Variants in TASP1 observed in about 807,000 individuals in gnomAD.
TASP1 encodes taspase 1.
TASP1 carries 16 observed loss-of-function variants against 56.6 expected under a neutral mutation model. The observed-to-expected ratio is 0.28, with a 90% CI of 0.19 to 0.43. TASP1 has a LOEUF of 0.43. Ranked by LOEUF, TASP1 falls within the 20% of genes least tolerant of loss-of-function variation. TASP1 has a pLI of 1.00. For missense variants in TASP1, 393 were observed against 511.6 expected (o/e 0.77, Z 2.24); for synonymous variants, 179 against 184.2 (o/e 0.97, Z 0.23).
the TASP1 span, chr20:13,154,216 T>G: frequency 6.4e-7 from 1 of 1,563,874 alleles, no homozygotes; most frequent in South Asian, 1.2e-5. Flanking sequence ...AGGCGTTAGA[T>G]TATGCATCTG....
chr20:13,402,185 C>G (rs911845610), intron 13 of TASP1, among the ~76,000 whole-genome samples: 1 of 152,180 alleles, frequency 6.6e-6, no homozygotes, highest in Non-Finnish European at 1.5e-5. Context: ...TAAATTCCCT[C>G]TTTGTTTTTC....
At chr20:13,178,431 C>T in the TASP1 span, among the ~76,000 whole-genome samples, 139 of 152,154 alleles carry the variant, frequency 9.1e-4, no homozygotes, top group African/African-American at 3.3e-3. Flanking sequence ...AATCATTATA[C>T]GGAAGAGACA....
downstream of TASP1, among the ~76,000 whole-genome samples, chr20:13,385,113 G>C (rs1285217153): frequency 1.3e-5 from 2 of 152,212 alleles, no homozygotes; most frequent in African/African-American, 2.4e-5. Flanking sequence ...TGCCCTTTTG[G>C]AAATGGGTGT....
At chr20:13,187,942 C>CAT in the TASP1 span, among the ~76,000 whole-genome samples, 951 of 151,274 alleles carry the variant, frequency 6.3e-3, 17 homozygotes, top group African/African-American at 0.021. Context: ...TGTGTATATA[C>CAT]ATATATATAT....
chr20:13,210,916 C>A, the TASP1 span, among the ~76,000 whole-genome samples: 2 of 152,118 alleles, frequency 1.3e-5, no homozygotes, highest in Non-Finnish European at 2.9e-5. Flanking sequence ...ACTCCTCTTA[C>A]CACAGAGCCA....
the TASP1 span, chr20:13,168,204 G>C: frequency 1.4e-5 from 2 of 145,040 alleles, no homozygotes; most frequent in Non-Finnish European, 3.0e-5. Flanking sequence ...TTTTGAGACA[G>C]AGTTTTGTTC....
the TASP1 span, among the ~76,000 whole-genome samples, chr20:13,359,974 C>T: frequency 7.9e-5 from 12 of 152,200 alleles, no homozygotes; most frequent in Non-Finnish European, 1.8e-4. Context: ...GCACACTTGC[C>T]TGTTATCACT....
intron 4 of TASP1, among the ~76,000 whole-genome samples, chr20:13,623,171 T>C (rs2048775742): frequency 6.6e-6 from 1 of 152,030 alleles, no homozygotes; most frequent in Non-Finnish European, 1.5e-5. Context: ...ATTTTCCTAC[T>C]GAAAATGGGA....
At position 13,609,803 on chromosome 20, in the gene TASP1, A is replaced by G. The variant is rs1311693852; in HGVS notation, c.282+13643T>C. Among the ~76,000 whole-genome samples, 5 of 152,334 alleles carry G rather than the reference A, an allele frequency of 3.3e-5. No individual in the cohort carries two copies. In the South Asian group the frequency reaches 6.2e-4, roughly 19 times the overall value. ...AAAAAGTTACTCAAATACCTATACA[A>G]GAGTATTCATAGCAACACTATGCAC... On this transcript the variant is annotated intron_variant, in intron 4 of 13. Coordinates refer to ENST00000337743, the MANE Select transcript of TASP1 (RefSeq NM_017714.3).
At chr20:13,157,657 A>G in the TASP1 span, among the ~76,000 whole-genome samples, 3 of 151,874 alleles carry the variant, frequency 2.0e-5, no homozygotes, top group Non-Finnish European at 2.9e-5. Flanking sequence ...AACAATCACT[A>G]CAAACAGAAA....
the TASP1 span, among the ~76,000 whole-genome samples, chr20:13,344,778 C>G: frequency 6.6e-6 from 1 of 152,184 alleles, no homozygotes; most frequent in Non-Finnish European, 1.5e-5. Context: ...GCCCACAGTG[C>G]TCGCGCCTCT....
chr20:13,253,366 C>T, the TASP1 span, among the ~76,000 whole-genome samples: 497 of 152,284 alleles, frequency 3.3e-3, 4 homozygotes, highest in African/African-American at 0.011. Context: ...GAGGGTCTCC[C>T]CATGCTGGAT....
the TASP1 span, among the ~76,000 whole-genome samples, chr20:13,249,779 CGTTTTGTTTTGTTTTGTTTTGTTTT>C: frequency 2.0e-3 from 282 of 141,788 alleles, 1 homozygote; most frequent in Middle Eastern, 7.5e-3. Flanking sequence ...TTTTTTGTTG[CGTTTTGTTTTGTTTTGTTTTGTTTT>C]GTTTTGTTTT....
At chr20:13,262,983 CA>C in the TASP1 span, among the ~76,000 whole-genome samples, 1 of 152,192 alleles carries the variant, frequency 6.6e-6, no homozygotes, top group Non-Finnish European at 1.5e-5. Context: ...GCTCCATTCC[CA>C]AACCAGGACT....
the TASP1 span, among the ~76,000 whole-genome samples, chr20:13,352,470 T>A: frequency 6.6e-6 from 1 of 151,360 alleles, no homozygotes; most frequent in Non-Finnish European, 1.5e-5. Flanking sequence ...AAAAAATGCA[T>A]TAACTTTTAG....
At chr20:13,313,745 T>A in the TASP1 span, among the ~76,000 whole-genome samples, 3 of 152,040 alleles carry the variant, frequency 2.0e-5, no homozygotes, top group Non-Finnish European at 4.4e-5. Flanking sequence ...TAAGACATAG[T>A]AAAAGGCAAA....
At chr20:13,595,920 T>C (rs1045943634) in intron 4 of TASP1, among the ~76,000 whole-genome samples, 3 of 152,134 alleles carry the variant, frequency 2.0e-5, no homozygotes, top group African/African-American at 4.8e-5. Flanking sequence ...CAACAGAATA[T>C]ACATTCTTCC....
At chr20:13,382,574 A>T in the TASP1 span, among the ~76,000 whole-genome samples, 1 of 152,158 alleles carries the variant, frequency 6.6e-6, no homozygotes, top group Non-Finnish European at 1.5e-5. Flanking sequence ...TGAGCCTGGG[A>T]AGTTGAGGCT....
chr20:13,464,996 C>T (rs140857820), intron 11 of TASP1, among the ~76,000 whole-genome samples: 1 of 151,520 alleles, frequency 6.6e-6, no homozygotes, highest in Non-Finnish European at 1.5e-5. Flanking sequence ...GATTCCATCT[C>T]TAAAAAATAA....
Sources: gnomAD v4.1 joint callset for allele counts (sites outside exome capture counted in the v4.1 genomes callset) on GRCh38, gnomAD v4.1.1 for gene constraint, MANE v1.5 for transcripts, NCBI Gene and HGNC (gene_info 2026-07-23, HGNC 2026-07-21) for gene names.